AIG1: variants seen among roughly 807,000 people sequenced by gnomAD.
AIG1 encodes the protein androgen induced 1, also known as androgen-induced gene 1 protein.
AIG1 carries 23 observed loss-of-function variants against 31.4 expected under a neutral mutation model. That is an observed-to-expected ratio of 0.73 (90% CI 0.53 to 1.04). The LOEUF is 1.04. Ranked by LOEUF, AIG1 falls within the 50% of genes least tolerant of loss-of-function variation. The pLI, the probability that AIG1 is intolerant of heterozygous loss-of-function variation, is 0.00. For missense variants in AIG1, 274 were observed against 295.0 expected, an observed-to-expected ratio of 0.93 and a Z score of 0.52; for synonymous variants, 100 against 110.5, an observed-to-expected ratio of 0.90 and a Z score of 0.60.
chr6:143,073,270 A>C (rs1485419113), intron 1 of AIG1, among the ~76,000 whole-genome samples: 2 of 152,158 alleles, frequency 1.3e-5, no homozygotes, highest in Non-Finnish European at 2.9e-5. Flanking sequence ...CCATTTGTCT[A>C]TCAACAGAGA....
At chr6:143,219,941 G>C (rs1428956368) in intron 3 of AIG1, among the ~76,000 whole-genome samples, 91 of 152,268 alleles carry the variant, frequency 6.0e-4, no homozygotes, top group Admixed American at 5.9e-3. Context: ...TTCAGAATGT[G>C]AATAATGACC....
intron 4 of AIG1, among the ~76,000 whole-genome samples, chr6:143,332,929 C>G (rs1196589235): frequency 6.6e-6 from 1 of 152,132 alleles, no homozygotes; most frequent in Non-Finnish European, 1.5e-5. Context: ...AGAGAAAGGA[C>G]ATTCACAGGA....
chr6:143,314,788 G>A (rs1775599943), intron 4 of AIG1, among the ~76,000 whole-genome samples: 1 of 152,038 alleles, frequency 6.6e-6, no homozygotes, highest in Non-Finnish European at 1.5e-5. Context: ...AAAAAGTACA[G>A]CTCACTACCA....
chr6:143,072,683 C>T (rs986751936), intron 1 of AIG1, among the ~76,000 whole-genome samples: 8 of 151,700 alleles, frequency 5.3e-5, no homozygotes, highest in East Asian at 1.9e-4. Flanking sequence ...TGTTGAATTT[C>T]GTCTTATGCT....
intron 2 of AIG1, among the ~76,000 whole-genome samples, chr6:143,154,991 A>G (rs540653031): frequency 1.3e-5 from 2 of 149,638 alleles, no homozygotes; most frequent in African/African-American, 2.5e-5. Context: ...GAGATTTCAG[A>G]CATACACCAC....
intron 1 of AIG1, among the ~76,000 whole-genome samples, chr6:143,084,175 G>GT (rs1778548847): frequency 6.6e-6 from 1 of 152,288 alleles, no homozygotes; most frequent in South Asian, 2.1e-4. Context: ...CTCTGTGACG[G>GT]TGATGGTATG....
chr6:143,101,233 A>G (rs1381960961), intron 1 of AIG1, among the ~76,000 whole-genome samples: 1 of 152,162 alleles, frequency 6.6e-6, no homozygotes, highest in Non-Finnish European at 1.5e-5. Context: ...ATATAGTAGC[A>G]TCTCGGAGAC....
chr6:143,241,307 G>A (rs1050916357), intron 3 of AIG1, among the ~76,000 whole-genome samples: 1 of 152,166 alleles, frequency 6.6e-6, no homozygotes, highest in African/African-American at 2.4e-5. Context: ...CCCTGACCCT[G>A]GTGAGCAAGA....
At chr6:143,088,480 C>T (rs935950461) in intron 1 of AIG1, among the ~76,000 whole-genome samples, 3 of 152,128 alleles carry the variant, frequency 2.0e-5, no homozygotes, top group African/African-American at 7.2e-5. Flanking sequence ...AGTGAAAGAA[C>T]CATTTACAAT....
At chr6:143,077,520 A>T (rs1356251780) in intron 1 of AIG1, among the ~76,000 whole-genome samples, 1 of 152,220 alleles carries the variant, frequency 6.6e-6, no homozygotes, top group Non-Finnish European at 1.5e-5. Context: ...TGTCACTGTC[A>T]TCTAGCCTGT....
At position 143,190,496 on chromosome 6, in the gene AIG1, TTTAAG is replaced by T. The variant is rs575772208; in HGVS notation, c.399+25317_399+25321del. Reference sequence around the variant, plus strand: ...AGTCTGATCAGACAATATCTTCACTTTTAAGTTATGTTCAGAATTTCATTGTCCTG... The same window carrying T: ...AGTCTGATCAGACAATATCTTCACTTTTATGTTCAGAATTTCATTGTCCTG... On this transcript the variant is annotated intron_variant, in intron 3 of 5. Coordinates refer to ENST00000357847, the MANE Select transcript of AIG1 (RefSeq NM_016108.4). 8.7e-4 allele frequency: 854 copies of T among 985,236 alleles called. 2 individuals are homozygous for T. The highest frequency in any genetic ancestry group is 2.1e-3 in the Admixed American group (35 of 16,292). 61.0% of individuals were successfully genotyped at this position (985,236 alleles called of 1,614,324 possible).
chr6:143,148,804 G>A (rs1056703527), intron 2 of AIG1, among the ~76,000 whole-genome samples: 5 of 151,698 alleles, frequency 3.3e-5, no homozygotes, highest in South Asian at 2.1e-4. Flanking sequence ...GGCAACAAGA[G>A]CATGACTATG....
intron 1 of AIG1, among the ~76,000 whole-genome samples, chr6:143,080,891 G>A (rs1178651881): frequency 6.6e-6 from 1 of 152,144 alleles, no homozygotes; most frequent in Non-Finnish European, 1.5e-5. Flanking sequence ...TAGGGATGGG[G>A]AATTAAAGGG....
intron 4 of AIG1, among the ~76,000 whole-genome samples, chr6:143,289,711 A>G (rs1045493853): frequency 6.6e-6 from 1 of 152,186 alleles, no homozygotes; most frequent in Non-Finnish European, 1.5e-5. Flanking sequence ...TGCTGGAAAC[A>G]TACATTATTT....
intron 2 of AIG1, among the ~76,000 whole-genome samples, chr6:143,146,274 T>C (rs1220666972): frequency 6.6e-6 from 1 of 152,154 alleles, no homozygotes; most frequent in Non-Finnish European, 1.5e-5. Context: ...GTAAAATATG[T>C]ATTTGAAATT....
In AIG1 at chr6:143,293,301, C is replaced by A. The variant is rs555691804; in HGVS notation, c.515+9076C>A. On this transcript the variant is annotated intron_variant, in intron 4 of 5. Transcript: ENST00000357847. The surrounding 1 kb of genome is among the most constrained non-coding windows in gnomAD (Gnocchi z 4.8). Reference sequence around the variant, plus strand: ...TTACAGCATGTGTGGCTCTTCATAACCTATTGAGAAAGTTAAAGAGTTTTC... The same window carrying A: ...TTACAGCATGTGTGGCTCTTCATAAACTATTGAGAAAGTTAAAGAGTTTTC... Among the ~76,000 whole-genome samples, 51 of 152,172 alleles carry A rather than the reference C, an allele frequency of 3.4e-4. No homozygotes were observed. The highest frequency in any genetic ancestry group is 1.1e-3 in the African/African-American group (46 of 41,502).
chr6:143,073,764 T>C (rs1777497656), intron 1 of AIG1, among the ~76,000 whole-genome samples: 1 of 152,198 alleles, frequency 6.6e-6, no homozygotes, highest in Non-Finnish European at 1.5e-5. Context: ...TGGAAGCTTG[T>C]ATGTTATATG....
Position 143,335,240 on chromosome 6 carries a change from T to C in AIG1, c.679+1795T>C, listed in dbSNP as rs577401999. 1.9e-5 allele frequency: 17 copies of C among 902,448 alleles called. No homozygotes were observed. The Admixed American group carries it at 7.4e-4, about 39-fold the overall frequency. 55.9% of individuals were successfully genotyped at this position (902,448 alleles called of 1,614,324 possible). A position where few individuals can be genotyped will look rare whatever the true frequency, so the allele number is the denominator to read the frequency against. ...TTGTTTTTGAATCAGTATTTTAAAATTGGGTGATTTTGGCTGGGCGCAGTG... is the reference window on the plus strand; with the variant it reads ...TTGTTTTTGAATCAGTATTTTAAAACTGGGTGATTTTGGCTGGGCGCAGTG... On this transcript the variant is annotated intron_variant, in intron 5 of 5. Transcript: ENST00000357847.
chr6:143,337,949 C>T (rs1183620479), intron 5 of AIG1: 1 of 398,554 alleles, frequency 2.5e-6, no homozygotes, highest in Admixed American at 4.4e-5. Context: ...TTATTTACAG[C>T]TGTCTAATTT....
Sources: gnomAD v4.1 joint callset for allele counts (sites outside exome capture counted in the v4.1 genomes callset) on GRCh38, gnomAD v4.1.1 for gene constraint, Gnocchi (gnomAD v3.1) non-coding constraint, MANE v1.5 for transcripts, NCBI Gene and HGNC (gene_info 2026-07-23, HGNC 2026-07-21) for gene names.